Variants in SNX6 observed in about 807,000 individuals in gnomAD.
SNX6 encodes sorting nexin-6.
SNX6 carries 34 observed loss-of-function variants against 63.0 expected under a neutral mutation model. That is an observed-to-expected ratio of 0.54 (90% CI 0.41 to 0.72). SNX6 has a LOEUF of 0.72. Among genes scored for constraint, SNX6 ranks in the 30% least tolerant of loss-of-function variants. SNX6 has a pLI of 0.00. For missense variants in SNX6, 398 were observed against 471.4 expected, an observed-to-expected ratio of 0.84 and a Z score of 1.44; for synonymous variants, 170 against 164.2, an observed-to-expected ratio of 1.04 and a Z score of -0.27.
At chr14:34,588,940 C>G (rs775253694) in intron 8 of SNX6, among the ~76,000 whole-genome samples, 5 of 152,066 alleles carry the variant, frequency 3.3e-5, no homozygotes, top group African/African-American at 4.8e-5. Context: ...TCAAGACCAG[C>G]CTGGCCAACA....
intron 11 of SNX6, among the ~76,000 whole-genome samples, chr14:34,573,094 G>A (rs1243525278): frequency 6.6e-6 from 1 of 152,092 alleles, no homozygotes; most frequent in East Asian, 1.9e-4. Context: ...CAATCCTCCT[G>A]TGTCAGCCTC....
chr14:34,574,448 G>A (rs1475969437), intron 11 of SNX6, among the ~76,000 whole-genome samples: 6 of 151,116 alleles, frequency 4.0e-5, no homozygotes, highest in African/African-American at 9.7e-5. Context: ...TCAGGAGTTC[G>A]AGACCAGCCT....
At chr14:34,604,168 T>C (rs1391254592) in intron 5 of SNX6, 2 of 1,285,460 alleles carry the variant, frequency 1.6e-6, no homozygotes, top group East Asian at 1.1e-4. Flanking sequence ...TGGGAGAAGT[T>C]TGATCTCTGT....
chr14:34,570,287 A>C (rs12885352), intron 11 of SNX6, among the ~76,000 whole-genome samples: 57,116 of 151,314 alleles, frequency 0.38, 12,570 homozygotes, highest in East Asian at 0.74. Context: ...GCTGGTCTTG[A>C]ACTCCCGACC....
intron 2 of SNX6, among the ~76,000 whole-genome samples, chr14:34,618,183 T>C (rs1024658226): frequency 6.6e-6 from 1 of 152,130 alleles, no homozygotes; most frequent in Non-Finnish European, 1.5e-5. Context: ...ACAGGGCCAC[T>C]ACTATGATAT....
intron 2 of SNX6, among the ~76,000 whole-genome samples, chr14:34,622,339 G>C (rs1002231091): frequency 6.6e-6 from 1 of 150,968 alleles, no homozygotes; most frequent in Non-Finnish European, 1.5e-5. Flanking sequence ...CCAGCACTTT[G>C]GGAGGCCGAG....
intron 13 of SNX6, among the ~76,000 whole-genome samples, chr14:34,564,594 G>A (rs561632660): frequency 1.3e-5 from 2 of 152,110 alleles, no homozygotes; most frequent in African/African-American, 2.4e-5. Context: ...CTGGGAAGCC[G>A]AGGTAGGCGG....
At chr14:34,596,507 T>C (rs1300225069) in intron 7 of SNX6, among the ~76,000 whole-genome samples, 2 of 149,558 alleles carry the variant, frequency 1.3e-5, no homozygotes, top group Non-Finnish European at 3.0e-5. Flanking sequence ...TAATCCCAGC[T>C]ACTCAGGAGG....
rs573943678 is a variant in SNX6, at chr14:34,587,516, G to C, written c.719-1211C>G. On this transcript the variant is annotated intron_variant, in intron 8 of 13. Transcript: ENST00000362031. ...CCACTGCACTCCAGCCTGGGCGACA[G>C]AGCAAGACTCCATCTCAAAAAAAAA... Among the ~76,000 whole-genome samples the C allele has an allele frequency of 1.1e-3, 112 of 101,946 alleles. 1 individual carries two copies. The highest frequency in any genetic ancestry group is 1.2e-3 in the Non-Finnish European group (70 of 57,650). The allele number at this position is 101,946 out of a possible 152,430, so 66.9% of individuals were successfully genotyped here. A position where few individuals can be genotyped will look rare whatever the true frequency, so the allele number is the denominator to read the frequency against.
intron 9 of SNX6, among the ~76,000 whole-genome samples, chr14:34,585,024 G>T (rs1291090606): frequency 6.6e-6 from 1 of 151,664 alleles, no homozygotes; most frequent in Non-Finnish European, 1.5e-5. Flanking sequence ...GGCTAATTTT[G>T]TATTTTTAGT....
intron 3 of SNX6, 45 bp from the exon 4 acceptor site, chr14:34,608,185 A>C: frequency 8.3e-7 from 1 of 1,211,112 alleles, no homozygotes; most frequent in Non-Finnish European, 1.2e-6. Flanking sequence ...AATTTACACT[A>C]AAAAGTTTTT....
intron 2 of SNX6, 194 bp downstream of exon 2, chr14:34,629,713 G>A (rs1883966575): frequency 2.2e-6 from 2 of 926,922 alleles, no homozygotes; most frequent in South Asian, 3.0e-5. Flanking sequence ...CGGGTCCCCG[G>A]GAATCGGAGC....
chr14:34,574,114 G>A (rs952601648), intron 11 of SNX6, among the ~76,000 whole-genome samples: 2 of 151,464 alleles, frequency 1.3e-5, no homozygotes, highest in African/African-American at 2.4e-5. Context: ...GAGGTGGGGG[G>A]ATCACGGGGT....
intron 10 of SNX6, among the ~76,000 whole-genome samples, chr14:34,577,047 C>A (rs1243366867): frequency 6.6e-6 from 1 of 151,732 alleles, no homozygotes; most frequent in Non-Finnish European, 1.5e-5. Context: ...GAGAGACTGT[C>A]TCAAAAAACA....
At chr14:34,575,983 G>GAA in intron 10 of SNX6, 141 bp from the exon 11 acceptor site, 1 of 360,350 alleles carries the variant, frequency 2.8e-6, no homozygotes, top group Non-Finnish European at 5.2e-6. Context: ...GAGTGCAGTG[G>GAA]CGCTATCTTG....
chr14:34,584,754 A>AAT (rs111529608), intron 9 of SNX6, among the ~76,000 whole-genome samples: 4 of 147,348 alleles, frequency 2.7e-5, no homozygotes, highest in South Asian at 2.1e-4. Flanking sequence ...AAGAAAAAAA[A>AAT]ATATATATAG....
intron 2 of SNX6, among the ~76,000 whole-genome samples, chr14:34,612,946 G>A (rs1566489440): frequency 6.6e-6 from 1 of 151,816 alleles, no homozygotes; most frequent in African/African-American, 2.4e-5. Context: ...CTACTTGGGA[G>A]GCTGAGGCAG....
At chr14:34,586,358 C>T (rs752329945) in intron 8 of SNX6, 53 bp from the exon 9 acceptor site, 26 of 1,175,076 alleles carry the variant, frequency 2.2e-5, no homozygotes, top group Non-Finnish European at 2.6e-5. Context: ...TTTAAAAATA[C>T]TTACTGAGCA....
intron 11 of SNX6, among the ~76,000 whole-genome samples, chr14:34,571,349 C>T (rs1370304752): frequency 2.0e-5 from 3 of 151,804 alleles, no homozygotes; most frequent in Admixed American, 6.6e-5. Flanking sequence ...AGGAGAATGG[C>T]GTGAACATGG....
Sources: allele counts gnomAD v4.1 joint callset (sites outside exome capture counted in the v4.1 genomes callset), GRCh38; gene constraint gnomAD v4.1.1; transcripts MANE v1.5; gene names NCBI Gene and HGNC (gene_info 2026-07-23, HGNC 2026-07-21).